The following ZNF592 variants were observed in gnomAD, a reference collection of about 807,000 sequenced individuals.
The protein encoded by ZNF592 is spinocerebellar ataxia, autosomal recessive 5.
Under a neutral mutation model 80.3 loss-of-function variants are expected in ZNF592, and 11 were observed. That is an observed-to-expected ratio of 0.14 (90% CI 0.09 to 0.23). The LOEUF (loss-of-function observed/expected upper bound fraction) is 0.23, where lower values mean the gene tolerates loss of function less well. Ranked by LOEUF, ZNF592 falls within the 10% of genes least tolerant of loss-of-function variation. The pLI is 1.00. For synonymous variants in ZNF592, 646 were observed against 640.3 expected, an observed-to-expected ratio of 1.01 and a Z score of -0.13; for missense variants, 1,420 against 1,633.9, an observed-to-expected ratio of 0.87 and a Z score of 2.26.
chr15:84,798,089 G>C lies in ZNF592; in HGVS notation c.2576+44G>C, dbSNP rs750523551. 6 of 1,608,124 alleles carry C rather than the reference G, an allele frequency of 3.7e-6. No homozygotes were observed. The highest frequency in any genetic ancestry group is 1.7e-4 in the Middle Eastern group (1 of 5,850). ...CCAGCAGGCCCTGTGGAGCAGAGAG[G>C]AGTAGCCTGGGTGCTGTAGGGGGTG... On this transcript the variant is annotated intron_variant, in intron 6 of 10. Transcript: ENST00000560079. This position sits in a 1 kb window ranked among gnomAD's most constrained non-coding sequence, Gnocchi z 4.5.
chr15:84,775,755 A>T (rs750819032), intron 2 of ZNF592, among the ~76,000 whole-genome samples: 2 of 152,102 alleles, frequency 1.3e-5, no homozygotes, highest in Non-Finnish European at 2.9e-5. Context: ...TATACCCTCA[A>T]ATAATTCCAA....
intron 2 of ZNF592, among the ~76,000 whole-genome samples, chr15:84,772,871 C>G (rs1962124767): frequency 1.3e-5 from 2 of 151,964 alleles, no homozygotes; most frequent in Admixed American, 6.6e-5. Context: ...TCAAATTTTT[C>G]TTAATGCTTT....
intron 2 of ZNF592, among the ~76,000 whole-genome samples, chr15:84,773,256 G>C (rs1330904771): frequency 6.8e-6 from 1 of 146,492 alleles, no homozygotes; most frequent in Non-Finnish European, 1.5e-5. Flanking sequence ...CTGTCGGCCA[G>C]GCTGGAGTGC....
intron 4 of ZNF592, among the ~76,000 whole-genome samples, chr15:84,786,299 C>T (rs553344083): frequency 4.4e-4 from 67 of 152,236 alleles, no homozygotes; most frequent in Non-Finnish European, 7.6e-4. Context: ...AACTTAGTTG[C>T]GCAGAGTGCC....
intron 5 of ZNF592, 113 bp downstream of exon 5, chr15:84,790,996 C>T: frequency 8.1e-7 from 1 of 1,228,184 alleles, no homozygotes; most frequent in South Asian, 1.2e-5. Context: ...CCAGTCTACA[C>T]AGGACAAGAG....
At chr15:84,789,335 A>G (rs1426353940) in intron 4 of ZNF592, among the ~76,000 whole-genome samples, 2 of 151,762 alleles carry the variant, frequency 1.3e-5, no homozygotes, top group Non-Finnish European at 2.9e-5. Flanking sequence ...TCATCCATTG[A>G]TGGATACTTG....
At position 84,783,479 on chromosome 15, in the gene ZNF592, C is replaced by G. The variant is rs772485200; in HGVS notation, c.804C>G (p.Val268=). The part of the protein sequence containing the change: ...LARELGTCSS[V]PPRQRLKPAH... The stretch of plus-strand genomic sequence containing the variant: ...GGGAGCTTGGTACCTGCTCATCAGT[C>G]CCCCCTAGGCAGCGTCTAAAGCCAG... The change falls in exon 4 of 11, where the codon GTC becomes GTG. Residue 268 remains valine (V), a synonymous_variant. Coordinates refer to ENST00000560079, the MANE Select transcript of ZNF592 (RefSeq NM_014630.3). The surrounding 1 kb of genome is among the most constrained non-coding windows in gnomAD (Gnocchi z 5.0). 2 of 1,614,188 alleles carry G rather than the reference C, an allele frequency of 1.2e-6. No homozygotes were observed. The highest frequency in any genetic ancestry group is 1.1e-5 in the South Asian group (1 of 91,084).
chr15:84,765,555 T>TTC (rs901095578), intron 2 of ZNF592, among the ~76,000 whole-genome samples: 1 of 148,590 alleles, frequency 6.7e-6, no homozygotes, highest in African/African-American at 2.5e-5. Flanking sequence ...TTTTTTTTTT[T>TTC]TTGAGACAGA....
chr15:84,751,074 TG>T (rs1036628645), intron 1 of ZNF592, among the ~76,000 whole-genome samples: 3 of 152,228 alleles, frequency 2.0e-5, no homozygotes, highest in African/African-American at 7.2e-5. Context: ...CTGATCTGTT[TG>T]GAAAAGCCTC....
At chr15:84,781,300 G>A (rs914624506) in intron 3 of ZNF592, among the ~76,000 whole-genome samples, 1 of 151,976 alleles carries the variant, frequency 6.6e-6, no homozygotes, top group African/African-American at 2.4e-5. Context: ...CACTCACCTT[G>A]GCCTTCCAAA....
chr15:84,752,686 C>T (rs745317004), intron 1 of ZNF592, among the ~76,000 whole-genome samples: 1 of 152,144 alleles, frequency 6.6e-6, no homozygotes, highest in African/African-American at 2.4e-5. Context: ...TCACATACAT[C>T]CCATGATAGA....
Position 84,764,731 on chromosome 15 carries a change from T to C in ZNF592, c.-234T>C, listed in dbSNP as rs1002587327. On this transcript the variant is annotated 5_prime_UTR_variant, in exon 2 of 11. Coordinates refer to ENST00000560079, the MANE Select transcript of ZNF592 (RefSeq NM_014630.3). ...GGTGGTGTTTGGACTCTAGACCATG[T>C]GCCTAGGTAGAAGTTTTTCCTTTCT... 2.5e-6 allele frequency: 1 copy of C among 399,050 alleles called. No homozygotes were observed. Among genetic ancestry groups the C allele is most frequent in the Non-Finnish European group, 4.4e-6 (1 of 226,062 alleles). The allele number at this position is 399,050 out of a possible 1,614,324, so 24.7% of individuals were successfully genotyped here. A position where few individuals can be genotyped will look rare whatever the true frequency, so the allele number is the denominator to read the frequency against.
intron 3 of ZNF592, among the ~76,000 whole-genome samples, chr15:84,779,984 G>GTTTTTTTTTTTTTTTT (rs72491489): frequency 3.0e-5 from 4 of 131,760 alleles, no homozygotes; most frequent in African/African-American, 2.8e-5. Context: ...TTCCTAGACA[G>GTTTTTTTTTTTTTTTT]TTTTGTTTTT....
At chr15:84,764,633 A>T (rs1032102876) in intron 1 of ZNF592, 74 bp from the exon 2 acceptor site, 36 of 396,652 alleles carry the variant, frequency 9.1e-5, no homozygotes, top group Middle Eastern at 6.3e-4. Flanking sequence ...TAGTTTTTTT[A>T]AACTATCTTT....
intron 3 of ZNF592, among the ~76,000 whole-genome samples, chr15:84,781,413 G>A (rs1304619693): frequency 6.7e-6 from 1 of 149,862 alleles, no homozygotes; most frequent in Non-Finnish European, 1.5e-5. Flanking sequence ...TTTGGTCTTA[G>A]ACATTTAAAT....
intron 3 of ZNF592, among the ~76,000 whole-genome samples, chr15:84,780,770 T>TTTG (rs60093318): frequency 8.0e-5 from 12 of 150,774 alleles, no homozygotes; most frequent in East Asian, 2.0e-4. Context: ...CTGAGTGGGT[T>TTTG]TTGTTGTTGT....
In ZNF592 at chr15:84,804,375, G is replaced by A. The variant is rs1289780806; in HGVS notation, c.*1982G>A. The A allele has an allele frequency of 6.6e-6, 1 of 152,274 alleles. No homozygotes were observed. The highest frequency in any genetic ancestry group is 1.5e-5 in the Non-Finnish European group (1 of 68,066). The allele number at this position is 152,274 out of a possible 1,614,324, so 9.4% of individuals were successfully genotyped here. A position where few individuals can be genotyped will look rare whatever the true frequency, so the allele number is the denominator to read the frequency against. On this transcript the variant is annotated 3_prime_UTR_variant, in exon 11 of 11. Transcript: ENST00000560079. ...CTGGATCCCTTCCTGCTCAGACACA[G>A]TGGTAGCTGGAGAGCAGGCAGAGAT...
In ZNF592 at chr15:84,799,633, C is replaced by G. The variant is rs1963034219; in HGVS notation, c.3138-209C>G. 6.6e-6 allele frequency among the ~76,000 whole-genome samples: 1 copy of G among 152,182 alleles called. No homozygotes were observed. Among genetic ancestry groups the G allele is most frequent in the South Asian group, 2.1e-4 (1 of 4,828 alleles). On this transcript the variant is annotated intron_variant, in intron 9 of 10. Transcript: ENST00000560079. This position sits in a 1 kb window ranked among gnomAD's most constrained non-coding sequence, Gnocchi z 4.2. Reference sequence around the variant, plus strand: ...CAGGTAGTGTTCAGTGAGATTGTGGCTGAGTGCCAGGTGTCAAGAGTGCAA... The same window carrying G: ...CAGGTAGTGTTCAGTGAGATTGTGGGTGAGTGCCAGGTGTCAAGAGTGCAA...
rs1314416314 is a variant in ZNF592 at position 84,754,275 on chromosome 15, G to A, written c.-259+5611G>A. ...GTGTTAAATCCAGAGGTAATAATGG[G>A]CAGCTGGGCACGGTGGCTCGTGCTT... On this transcript the variant is annotated intron_variant, in intron 1 of 10. Transcript: ENST00000560079. 2.0e-5 allele frequency among the ~76,000 whole-genome samples: 3 copies of A among 152,232 alleles called. No homozygotes were observed. In the East Asian group the frequency reaches 5.8e-4, roughly 29 times the overall value.
Sources: gnomAD v4.1 joint callset for allele counts (sites outside exome capture counted in the v4.1 genomes callset) on GRCh38, gnomAD v4.1.1 for gene constraint, Gnocchi (gnomAD v3.1) non-coding constraint, MANE v1.5 for transcripts, NCBI Gene and HGNC (gene_info 2026-07-23, HGNC 2026-07-21) for gene names.